SCML4: variants seen among roughly 807,000 people sequenced by gnomAD.
SCML4 encodes Scm polycomb group protein like 4.
In SCML4, 34 loss-of-function variants were observed where a neutral mutation model predicts 41.1. That is an observed-to-expected ratio of 0.83 (90% CI 0.63 to 1.10). The LOEUF is 1.10. SCML4 is among the 50% of genes least tolerant of loss of function. The pLI, the probability that SCML4 is intolerant of heterozygous loss-of-function variation, is 0.00. For synonymous variants in SCML4, 214 were observed against 220.9 expected (o/e 0.97, Z 0.28); for missense variants, 522 against 534.1 (o/e 0.98, Z 0.22).
At chr6:107,820,892 C>G (rs535739243) in intron 1 of SCML4, among the ~76,000 whole-genome samples, 1 of 152,174 alleles carries the variant, frequency 6.6e-6, no homozygotes, top group East Asian at 1.9e-4. Flanking sequence ...TATTCAAATG[C>G]GATTCAAACA....
intron 5 of SCML4, among the ~76,000 whole-genome samples, chr6:107,727,263 G>T (rs898978881): frequency 6.6e-6 from 1 of 152,134 alleles, no homozygotes; most frequent in Non-Finnish European, 1.5e-5. Flanking sequence ...TGGGGTGTGG[G>T]GTGGGTAATA....
At chr6:107,832,615 T>G in the SCML4 span, among the ~76,000 whole-genome samples, 18 of 152,330 alleles carry the variant, frequency 1.2e-4, no homozygotes, top group Non-Finnish European at 2.6e-4. Context: ...GGGGACCCTC[T>G]GCTTTCCGCC....
At position 107,745,107 on chromosome 6, in the gene SCML4, C is replaced by G; in HGVS notation, c.524G>C (p.Ser175Thr). The G allele has an allele frequency of 6.2e-7, 1 of 1,603,244 alleles. No individual in the cohort carries two copies. The highest frequency in any genetic ancestry group is 8.5e-7 in the Non-Finnish European group (1 of 1,174,670). ...ASFDGKQHLRSLPVVNSIGYV... is the reference protein window; with the variant it reads ...ASFDGKQHLRTLPVVNSIGYV... ...GCCGATGCTGTTCACCACAGGCAGG[C>G]TCCGCAGGTGCTGTTTGCCATCAAA... The change falls in exon 5 of 8, where the codon AGC (serine) becomes ACC (threonine). Residue 175 changes from serine to threonine, a missense_variant. Ser to Thr is a moderately conservative substitution (Grantham distance 58, BLOSUM62 1). Transcript: ENST00000369020.
chr6:107,755,637 C>T, intron 2 of SCML4: 1 of 1,325,616 alleles, frequency 7.5e-7, no homozygotes, highest in South Asian at 1.2e-5. Flanking sequence ...TCTGGCAGGG[C>T]ATTTGTCTTT....
the SCML4 span, among the ~76,000 whole-genome samples, chr6:107,833,767 C>A: frequency 6.6e-6 from 1 of 152,118 alleles, no homozygotes; most frequent in East Asian, 1.9e-4. Flanking sequence ...AAATTTTTTA[C>A]AAGAAATGTA....
chr6:107,761,740 T>C (rs964509295), intron 2 of SCML4, among the ~76,000 whole-genome samples: 1 of 151,812 alleles, frequency 6.6e-6, no homozygotes, highest in Admixed American at 6.6e-5. Flanking sequence ...CCCGGCAAAA[T>C]ATAATATCGT....
intron 6 of SCML4, among the ~76,000 whole-genome samples, chr6:107,713,676 T>G (rs957993972): frequency 1.3e-5 from 2 of 152,240 alleles, no homozygotes; most frequent in African/African-American, 4.8e-5. Flanking sequence ...GGAAGGTCAT[T>G]GTCTCCGACA....
intron 5 of SCML4, among the ~76,000 whole-genome samples, chr6:107,724,333 G>A (rs1403573854): frequency 6.6e-6 from 1 of 152,134 alleles, no homozygotes; most frequent in African/African-American, 2.4e-5. Flanking sequence ...GAAAAGAAAA[G>A]CCATCTGGAT....
chr6:107,830,358 T>G, the SCML4 span, among the ~76,000 whole-genome samples: 1 of 152,014 alleles, frequency 6.6e-6, no homozygotes, highest in Non-Finnish European at 1.5e-5. Flanking sequence ...GTGGAAACAT[T>G]TTTCTCAAGG....
intron 1 of SCML4, 58 bp from the exon 2 acceptor site, chr6:107,772,444 A>C: frequency 9.9e-7 from 1 of 1,006,424 alleles, no homozygotes; most frequent in Non-Finnish European, 1.4e-6. Context: ...TTTGGTTTGC[A>C]AGGCAAACAT....
At chr6:107,839,393 G>GAAAGAAAGAAAC in the SCML4 span, among the ~76,000 whole-genome samples, 94 of 134,496 alleles carry the variant, frequency 7.0e-4, no homozygotes, top group African/African-American at 2.6e-3. Context: ...AAGAAAGAAA[G>GAAAGAAAGAAAC]AAAGAAAGAA....
At chr6:107,796,755 A>G (rs1229296322) in intron 1 of SCML4, among the ~76,000 whole-genome samples, 1 of 151,942 alleles carries the variant, frequency 6.6e-6, no homozygotes, top group African/African-American at 2.4e-5. Context: ...TTTTCTTCTA[A>G]TTTTTTGTTG....
At chr6:107,749,076 T>C (rs994790301) in intron 3 of SCML4, among the ~76,000 whole-genome samples, 1 of 151,830 alleles carries the variant, frequency 6.6e-6, no homozygotes, top group Non-Finnish European at 1.5e-5. Context: ...TTAAATGGGA[T>C]GGGAGAGGGG....
chr6:107,724,017 A>G (rs1262750697), intron 5 of SCML4, among the ~76,000 whole-genome samples: 1 of 152,238 alleles, frequency 6.6e-6, no homozygotes, highest in African/African-American at 2.4e-5. Flanking sequence ...TCCAAAATCA[A>G]TTAATGTAAT....
intron 5 of SCML4, among the ~76,000 whole-genome samples, chr6:107,724,214 T>C (rs985417143): frequency 6.6e-6 from 1 of 152,126 alleles, no homozygotes; most frequent in Non-Finnish European, 1.5e-5. Flanking sequence ...TGGCTAATGG[T>C]CAAAGACTGG....
the SCML4 span, among the ~76,000 whole-genome samples, chr6:107,843,155 A>G: frequency 6.6e-6 from 1 of 152,234 alleles, no homozygotes; most frequent in Non-Finnish European, 1.5e-5. Context: ...TCCAAAATTC[A>G]TGACAGATAC....
At chr6:107,844,943 A>T in the SCML4 span, among the ~76,000 whole-genome samples, 75,455 of 149,376 alleles carry the variant, frequency 0.51, 22,152 homozygotes, top group South Asian at 0.7. Flanking sequence ...ATTAAAAAAA[A>T]AAAAAAAAAA....
intron 5 of SCML4, among the ~76,000 whole-genome samples, chr6:107,729,518 A>G (rs961741274): frequency 2.0e-5 from 3 of 152,214 alleles, no homozygotes; most frequent in Non-Finnish European, 2.9e-5. Flanking sequence ...TCCCATTTCC[A>G]AAAAGGGTTC....
chr6:107,730,087 T>A (rs765853514), intron 5 of SCML4, among the ~76,000 whole-genome samples: 4 of 152,254 alleles, frequency 2.6e-5, no homozygotes, highest in Non-Finnish European at 2.9e-5. Context: ...ATTCTAGGTA[T>A]GCAGAACTAC....
Sources: allele counts gnomAD v4.1 joint callset (sites outside exome capture counted in the v4.1 genomes callset), GRCh38; gene constraint gnomAD v4.1.1; transcripts MANE v1.5; gene names NCBI Gene and HGNC (gene_info 2026-07-23, HGNC 2026-07-21).